Variants in JHY observed in about 807,000 individuals in gnomAD.
JHY encodes junctional cadherin complex regulator, also known as jhy protein homolog.
Under a neutral mutation model 78.0 loss-of-function variants are expected in JHY, and 69 were observed. The observed-to-expected ratio is 0.88, with a 90% CI of 0.73 to 1.08. JHY has a LOEUF of 1.08. JHY is among the 50% of genes least tolerant of loss of function. The pLI is 0.00. For missense variants in JHY, 944 were observed against 927.8 expected (o/e 1.02, Z -0.23); for synonymous variants, 368 against 342.6 (o/e 1.07, Z -0.82).
In JHY at chr11:122,885,749, AT is replaced by A; in HGVS notation, c.-89-4del. ...AGTGGTCGCAGAGTAACATAAATAT[AT>A]TTTTTTTCAGGTAACGCTTTTGTGA... On this transcript the variant is annotated splice_polypyrimidine_tract_variant and intron_variant, in intron 1 of 8. Transcript: ENST00000227349. The A allele has an allele frequency of 1.2e-4, 107 of 857,144 alleles. No homozygotes were observed. The highest frequency in any genetic ancestry group is 2.8e-4 in the Middle Eastern group (1 of 3,634). The allele number at this position is 857,144 out of a possible 1,614,324, so 53.1% of individuals were successfully genotyped here.
At chr11:122,957,811 T>TCTCACACACACA (rs1555062665) in intron 8 of JHY, among the ~76,000 whole-genome samples, 1 of 149,712 alleles carries the variant, frequency 6.7e-6, no homozygotes, top group Non-Finnish European at 1.5e-5. Flanking sequence ...ACACACACAG[T>TCTCACACACACA]CACACACACA....
chr11:122,959,292 T>C lies in JHY; in HGVS notation c.2184T>C (p.Asn728=). The C allele has an allele frequency of 1.2e-6, 2 of 1,614,108 alleles. No individual in the cohort carries two copies. Among genetic ancestry groups the C allele is most frequent in the South Asian group, 2.2e-5 (2 of 91,084 alleles). The change falls in exon 9 of 9, where the codon AAT becomes AAC. Residue 728 remains asparagine (N), a synonymous_variant. Transcript: ENST00000227349. ...CCATCCCCAAACCCAAACCATCAAA[T>C]CTGACTCATCAAGCATCAAAGGAAC... is the stretch of plus-strand genomic sequence containing the variant. The part of the protein sequence containing the change: ...AKTIPKPKPS[N]LTHQASKEQK...
chr11:122,919,352 CAAAAAAAA>C (rs72233254), intron 3 of JHY, among the ~76,000 whole-genome samples: 4 of 70,092 alleles, frequency 5.7e-5, no homozygotes, highest in African/African-American at 1.4e-4. Flanking sequence ...GACTCTGTCT[CAAAAAAAA>C]AAAAAAAAAA....
chr11:122,922,920 C>T (rs1863407235), intron 3 of JHY, among the ~76,000 whole-genome samples: 1 of 151,590 alleles, frequency 6.6e-6, no homozygotes, highest in African/African-American at 2.4e-5. Flanking sequence ...TGCTTCTCCA[C>T]TACACAGCCC....
At chr11:122,919,449 A>C (rs1293182362) in intron 3 of JHY, among the ~76,000 whole-genome samples, 3 of 151,914 alleles carry the variant, frequency 2.0e-5, no homozygotes, top group African/African-American at 7.3e-5. Context: ...AAAGACCTAG[A>C]GACAATGGTG....
At chr11:122,923,601 G>T (rs760176096) in intron 3 of JHY, among the ~76,000 whole-genome samples, 1 of 152,136 alleles carries the variant, frequency 6.6e-6, no homozygotes, top group Non-Finnish European at 1.5e-5. Context: ...GCAATGAAGG[G>T]CCCTTAAATA....
intron 4 of JHY, among the ~76,000 whole-genome samples, chr11:122,927,526 C>T (rs913653613): frequency 6.6e-6 from 1 of 152,060 alleles, no homozygotes; most frequent in Middle Eastern, 3.2e-3. Context: ...TTTCTTTTTC[C>T]TCTTCAACTA....
chr11:122,915,349 A>G (rs1342208122), intron 3 of JHY, among the ~76,000 whole-genome samples: 2 of 152,230 alleles, frequency 1.3e-5, no homozygotes, highest in Non-Finnish European at 2.9e-5. Context: ...ACATGTAAAC[A>G]GTCAATACCA....
At chr11:122,893,513 A>C (rs1225266701) in intron 2 of JHY, among the ~76,000 whole-genome samples, 1 of 152,204 alleles carries the variant, frequency 6.6e-6, no homozygotes, top group Non-Finnish European at 1.5e-5. Context: ...CGTTAAAATA[A>C]GTACATACAT....
chr11:122,910,595 G>A (rs183340717), intron 3 of JHY, among the ~76,000 whole-genome samples: 24 of 152,196 alleles, frequency 1.6e-4, no homozygotes, highest in African/African-American at 5.3e-4. Flanking sequence ...GGGAATGGGC[G>A]GGAGCACAAC....
chr11:122,929,985 A>AG (rs1863602539), intron 4 of JHY, among the ~76,000 whole-genome samples: 1 of 152,218 alleles, frequency 6.6e-6, no homozygotes, highest in Non-Finnish European at 1.5e-5. Flanking sequence ...GCTCTATGGC[A>AG]GGGGACAGAG....
intron 6 of JHY, among the ~76,000 whole-genome samples, chr11:122,954,852 A>T (rs1464194437): frequency 6.6e-6 from 1 of 152,138 alleles, no homozygotes; most frequent in Non-Finnish European, 1.5e-5. Context: ...ATTGATAAAA[A>T]TCCTGTGCTT....
At chr11:122,886,453 C>T (rs1488963341) in intron 2 of JHY, among the ~76,000 whole-genome samples, 1 of 152,128 alleles carries the variant, frequency 6.6e-6, no homozygotes, top group Non-Finnish European at 1.5e-5. Flanking sequence ...TTCCAAGTGT[C>T]TCCGCACTAG....
In JHY at chr11:122,960,828, C is replaced by G. The variant is rs764939017; in HGVS notation, c.*1383C>G. The G allele has an allele frequency of 4.8e-6, 3 of 622,420 alleles. No individual in the cohort carries two copies. Among genetic ancestry groups the G allele is most frequent in the Non-Finnish European group, 9.5e-6 (3 of 315,830 alleles). 38.6% of individuals were successfully genotyped at this position (622,420 alleles called of 1,614,324 possible). A position where few individuals can be genotyped will look rare whatever the true frequency, so the allele number is the denominator to read the frequency against. ...CTCACTGGTTCAGAAGCGCCATTAC[C>G]TTTTTGATGTGCAGAGGAATAACAT... On this transcript the variant is annotated 3_prime_UTR_variant, in exon 9 of 9. Coordinates refer to ENST00000227349, the MANE Select transcript of JHY (RefSeq NM_024806.4).
chr11:122,909,129 A>G (rs1288962553), intron 3 of JHY, among the ~76,000 whole-genome samples: 2 of 152,236 alleles, frequency 1.3e-5, no homozygotes, highest in Non-Finnish European at 2.9e-5. Context: ...GAGGTTACTC[A>G]GTCTCAGCCT....
In JHY at chr11:122,961,511, C is replaced by T. The variant is rs373990462; in HGVS notation, c.*2066C>T. The stretch of plus-strand genomic sequence containing the variant: ...CCGAGATTGCAAGCGTGCACTACCA[C>T]GCCCGGCTAATTTTTATACTTTTAG... On this transcript the variant is annotated 3_prime_UTR_variant, in exon 9 of 9. Transcript: ENST00000227349. 3.3e-5 allele frequency among the ~76,000 whole-genome samples: 5 copies of T among 152,112 alleles called. No homozygotes were observed. Among genetic ancestry groups the T allele is most frequent in the East Asian group, 1.9e-4 (1 of 5,174 alleles).
chr11:122,886,194 G>A lies in JHY; in HGVS notation c.344+1G>A, dbSNP rs775856277. On this transcript the variant is annotated splice_donor_variant, in intron 2 of 8. Coordinates refer to ENST00000227349, the MANE Select transcript of JHY (RefSeq NM_024806.4). LOFTEE classifies it high-confidence loss of function. ...CCTGGGACCAGGGCGCCAATAACAG[G>A]TAAGGAATTGGCTTGTGTAAGATAA... 6.2e-7 allele frequency: 1 copy of A among 1,605,790 alleles called. No individual in the cohort carries two copies. Among genetic ancestry groups the A allele is most frequent in the Non-Finnish European group, 8.5e-7 (1 of 1,175,450 alleles).
intron 4 of JHY, among the ~76,000 whole-genome samples, chr11:122,930,738 G>A (rs1426243816): frequency 2.0e-5 from 3 of 152,144 alleles, no homozygotes; most frequent in Non-Finnish European, 4.4e-5. Context: ...TAGGTTGTGT[G>A]CCCAGACTGA....
In JHY at chr11:122,935,531, G is replaced by A. The variant is rs553644644; in HGVS notation, c.1634+456G>A. Among the ~76,000 whole-genome samples the A allele has an allele frequency of 3.3e-5, 5 of 152,106 alleles. No homozygotes were observed. The highest frequency in any genetic ancestry group is 2.1e-4 in the South Asian group (1 of 4,826). On this transcript the variant is annotated intron_variant, in intron 5 of 8. Transcript: ENST00000227349. The surrounding 1 kb of genome is among the most constrained non-coding windows in gnomAD (Gnocchi z 4.5). ...ATTACAGGTGTGAGCCACCGCACCC[G>A]GCCAAGAGTCTACTTTTGATGGATT...
Sources: gnomAD v4.1 joint callset for allele counts (sites outside exome capture counted in the v4.1 genomes callset) on GRCh38, gnomAD v4.1.1 for gene constraint, Gnocchi (gnomAD v3.1) non-coding constraint, MANE v1.5 for transcripts, NCBI Gene and HGNC (gene_info 2026-07-23, HGNC 2026-07-21) for gene names.